VPS4A: variants seen among roughly 807,000 people sequenced by gnomAD.
VPS4A encodes vacuolar protein sorting 4 homolog A.
VPS4A carries 20 observed loss-of-function variants against 52.3 expected under a neutral mutation model. That is an observed-to-expected ratio of 0.38 (90% CI 0.27 to 0.56). The LOEUF is 0.56. Among genes scored for constraint, VPS4A ranks in the 20% least tolerant of loss-of-function variants. The probability of loss-of-function intolerance (pLI) is 0.72; values close to 1 mark genes in which losing one functional copy is unlikely to be tolerated. For missense variants in VPS4A, 419 were observed against 575.9 expected (o/e 0.73, Z 2.79); for synonymous variants, 293 against 227.7 (o/e 1.29, Z -2.58).
intron 3 of VPS4A, 71 bp from the exon 4 acceptor site, chr16:69,318,579 T>C (rs1965467404): frequency 2.0e-6 from 3 of 1,531,524 alleles, no homozygotes; most frequent in Non-Finnish European, 2.7e-6. Flanking sequence ...CAGCGGAGCC[T>C]GGACTTGCTG....
chr16:69,320,734 C>A lies in VPS4A; in HGVS notation c.816C>A (p.Asn272Lys). 1 of 1,609,214 alleles carries A rather than the reference C, an allele frequency of 6.2e-7. No homozygotes were observed. The highest frequency in any genetic ancestry group is 8.5e-7 in the Non-Finnish European group (1 of 1,177,880). Residue 272 changes from asparagine (N) to lysine (K), a missense_variant, in exon 8 of 11, where the codon AAC becomes AAA. Physicochemically the swap from Asn to Lys is moderately conservative, Grantham distance 94. This residue lies in a region of VPS4A where 103 missense variants were observed against 210.3 expected (regional missense o/e 0.49). Coordinates refer to ENST00000254950, the MANE Select transcript of VPS4A (RefSeq NM_013245.3). This position sits in a 1 kb window ranked among gnomAD's most constrained non-coding sequence, Gnocchi z 4.2. ...NDGTLVLGAT[N>K]IPWVLDSAIR... ...GGACTCTGGTTCTTGGAGCCACAAA[C>A]ATCCCATGGGTGTTGGATTCGGCCA...
chr16:69,324,403 T>A lies in VPS4A; in HGVS notation c.*94T>A. ...CAACAGCCAGACAGGGCTCCAGGGC[T>A]TGTCCCAGTCAATACAGAGTTCCCT... On this transcript the variant is annotated 3_prime_UTR_variant, in exon 11 of 11. Coordinates refer to ENST00000254950, the MANE Select transcript of VPS4A (RefSeq NM_013245.3). The A allele has an allele frequency of 1.5e-6, 2 of 1,325,932 alleles. No individual in the cohort carries two copies. Among genetic ancestry groups the A allele is most frequent in the Non-Finnish European group, 1.1e-6 (1 of 942,994 alleles). 82.1% of individuals were successfully genotyped at this position (1,325,932 alleles called of 1,614,324 possible). A position where few individuals can be genotyped will look rare whatever the true frequency, so the allele number is the denominator to read the frequency against.
In VPS4A at chr16:69,326,152, C is replaced by T. The variant is rs1402029105; in HGVS notation, c.*1843C>T. On this transcript the variant is annotated 3_prime_UTR_variant, in exon 11 of 11. Coordinates refer to ENST00000254950, the MANE Select transcript of VPS4A (RefSeq NM_013245.3). ...CTCTCCAAAACCCAGTACTGCTCCT[C>T]TACCTTTCAAACCTGGTTGGGCCAG... 5 of 152,328 alleles carry T rather than the reference C, an allele frequency of 3.3e-5. No individual in the cohort carries two copies. The highest frequency in any genetic ancestry group is 5.9e-5 in the Non-Finnish European group (4 of 68,100). The allele number at this position is 152,328 out of a possible 1,614,324, so 9.4% of individuals were successfully genotyped here.
In VPS4A at chr16:69,324,272, T is replaced by C; in HGVS notation, c.1277T>C (p.Val426Ala). The C allele has an allele frequency of 6.2e-7, 1 of 1,613,898 alleles. No homozygotes were observed. The stretch of plus-strand genomic sequence containing the variant: ...GTGAATGCAGACGACCTCCTGAAAG[T>C]GAAGAAATTCTCAGAGGACTTTGGG... ...PTVNADDLLKVKKFSEDFGQE... is the reference protein window; with the variant it reads ...PTVNADDLLKAKKFSEDFGQE... The change falls in exon 11 of 11, where the codon GTG becomes GCG. Residue 426 changes from valine to alanine, a missense_variant. Coordinates refer to ENST00000254950, the MANE Select transcript of VPS4A (RefSeq NM_013245.3).
In VPS4A at chr16:69,322,546, C is replaced by A; in HGVS notation, c.1072-14C>A. 2 of 1,609,324 alleles carry A rather than the reference C, an allele frequency of 1.2e-6. No individual in the cohort carries two copies. The highest frequency in any genetic ancestry group is 1.7e-6 in the Non-Finnish European group (2 of 1,177,454). On this transcript the variant is annotated splice_polypyrimidine_tract_variant and intron_variant, in intron 9 of 10. Coordinates refer to ENST00000254950, the MANE Select transcript of VPS4A (RefSeq NM_013245.3). The stretch of plus-strand genomic sequence containing the variant: ...TGAGGGGCAGCTGCCCCAGTCAGAT[C>A]CATTTGGTTTCAGGTCTGTGGCCCC...
chr16:69,324,302 A>G lies in VPS4A; in HGVS notation c.1307A>G (p.Glu436Gly), dbSNP rs1423358966. ...VKKFSEDFGQ[E>G]S ...AAATTCTCAGAGGACTTTGGGCAAG[A>G]GAGTTAAAAGCTGCTTCACTTGGGC... is the stretch of plus-strand genomic sequence containing the variant. Residue 436 changes from glutamate to glycine, a missense_variant, in exon 11 of 11, where the codon GAG becomes GGG. Glu to Gly is a moderately conservative substitution (Grantham distance 98). Transcript: ENST00000254950. The G allele has an allele frequency of 1.2e-6, 2 of 1,613,644 alleles. No homozygotes were observed. Among genetic ancestry groups the G allele is most frequent in the East Asian group, 2.2e-5 (1 of 44,880 alleles).
At chr16:69,324,073 C>T in intron 10 of VPS4A, 135 bp from the exon 11 acceptor site, 1 of 763,362 alleles carries the variant, frequency 1.3e-6, no homozygotes. Flanking sequence ...CTGCCATAGG[C>T]AGATTCAAGC....
At chr16:69,322,533 G>T (rs1424948095) in intron 9 of VPS4A, 27 bp from the exon 10 acceptor site, 4 of 1,600,494 alleles carry the variant, frequency 2.5e-6, no homozygotes, top group Non-Finnish European at 3.4e-6. Flanking sequence ...AGGGGCAGCT[G>T]CCCCAGTCAG....
Position 69,316,036 on chromosome 16 carries a change from C to T in VPS4A, c.50C>T (p.Thr17Ile). 6.2e-7 allele frequency: 1 copy of T among 1,613,556 alleles called. No individual in the cohort carries two copies. The part of the protein sequence containing the change: ...QKAIDLVTKA[T>I]EEDKAKNYEE... ...GCCATTGATCTGGTGACGAAAGCCA[C>T]AGAGGAGGACAAAGCCAAGAACTAC... Residue 17 changes from threonine (T) to isoleucine (I), a missense_variant, in exon 2 of 11, where the codon ACA becomes ATA. This residue lies in a region of VPS4A where 131 missense variants were observed against 165.4 expected (regional missense o/e 0.79). Transcript: ENST00000254950.
Position 69,320,051 on chromosome 16 carries a change from T to C in VPS4A, c.621-90T>C, listed in dbSNP as rs1044525362. The stretch of plus-strand genomic sequence containing the variant: ...GGCATGACCGTGGCCTGCGCCTCCC[T>C]GTGGGAAGGGTGAGAAGAGGGAAGT... On this transcript the variant is annotated intron_variant, in intron 6 of 10. Coordinates refer to ENST00000254950, the MANE Select transcript of VPS4A (RefSeq NM_013245.3). The surrounding 1 kb of genome is among the most constrained non-coding windows in gnomAD (Gnocchi z 4.2). 1.3e-6 allele frequency: 2 copies of C among 1,486,362 alleles called. No individual in the cohort carries two copies. The highest frequency in any genetic ancestry group is 1.3e-5 in the South Asian group (1 of 76,972). 92.1% of individuals were successfully genotyped at this position (1,486,362 alleles called of 1,614,324 possible).
intron 9 of VPS4A, 44 bp from the exon 10 acceptor site, chr16:69,322,516 G>C: frequency 1.3e-6 from 2 of 1,580,956 alleles, no homozygotes; most frequent in Non-Finnish European, 1.7e-6. Flanking sequence ...GAGCCCCTCT[G>C]ACACTGAGGG....
Position 69,320,299 on chromosome 16 carries a change from G to A in VPS4A, c.769+10G>A, listed in dbSNP as rs377630172. On this transcript the variant is annotated intron_variant, in intron 7 of 10. Coordinates refer to ENST00000254950, the MANE Select transcript of VPS4A (RefSeq NM_013245.3). The surrounding 1 kb of genome is among the most constrained non-coding windows in gnomAD (Gnocchi z 4.2). ...TTGGTCCAGATGCAGGGTGTGTGCC[G>A]GGCCCAGGGCCCCCTTGGTTCTTGT... is the stretch of plus-strand genomic sequence containing the variant. 121 of 1,609,762 alleles carry A rather than the reference G, an allele frequency of 7.5e-5. No individual in the cohort carries two copies. Among genetic ancestry groups the A allele is most frequent in the Non-Finnish European group, 9.4e-5 (111 of 1,176,424 alleles).
At position 69,320,098 on chromosome 16, in the gene VPS4A, G is replaced by C. The variant is rs768141728; in HGVS notation, c.621-43G>C. ...AAGTGCCGGGAGCCCAGGCGGGCAC[G>C]GACGTGAACGTCTTGTCCTCACCCC... On this transcript the variant is annotated intron_variant, in intron 6 of 10. Coordinates refer to ENST00000254950, the MANE Select transcript of VPS4A (RefSeq NM_013245.3). The surrounding 1 kb of genome is among the most constrained non-coding windows in gnomAD (Gnocchi z 4.2). 4.4e-6 allele frequency: 7 copies of C among 1,583,980 alleles called. No homozygotes were observed. Among genetic ancestry groups the C allele is most frequent in the Non-Finnish European group, 6.0e-6 (7 of 1,158,644 alleles).
intron 10 of VPS4A, chr16:69,323,667 T>C (rs944315194): frequency 2.2e-6 from 1 of 455,752 alleles, no homozygotes; most frequent in East Asian, 7.0e-5. Flanking sequence ...AGAAGGCTCC[T>C]GGCCGGGCGC....
chr16:69,320,801 A>G lies in VPS4A; in HGVS notation c.851+32A>G. On this transcript the variant is annotated intron_variant, in intron 8 of 10. Coordinates refer to ENST00000254950, the MANE Select transcript of VPS4A (RefSeq NM_013245.3). The surrounding 1 kb of genome is among the most constrained non-coding windows in gnomAD (Gnocchi z 4.2). ...CTTCCCCAGGAGAAGCCAGGGCTGG[A>G]GGCTTCCTCCCACCATGGTCACGGT... is the stretch of plus-strand genomic sequence containing the variant. 1 of 1,575,226 alleles carries G rather than the reference A, an allele frequency of 6.3e-7. No individual in the cohort carries two copies. Among genetic ancestry groups the G allele is most frequent in the Non-Finnish European group, 8.6e-7 (1 of 1,158,090 alleles).
At chr16:69,319,160 G>A (rs182153552) in intron 5 of VPS4A, among the ~76,000 whole-genome samples, 10 of 151,142 alleles carry the variant, frequency 6.6e-5, no homozygotes, top group African/African-American at 1.7e-4. Flanking sequence ...AGTGCCAGCC[G>A]GTGTCACTGT....
rs1168792437 is a variant in VPS4A at position 69,318,884 on chromosome 16, C to T, written c.405C>T (p.Ala135=). The change falls in exon 5 of 11, where the codon GCC becomes GCT. Residue 135 remains alanine, a synonymous_variant. Transcript: ENST00000254950. The part of the protein sequence containing the change: ...RWNDVAGLEG[A]KEALKEAVIL... ...ACGACGTGGCCGGGCTGGAGGGGGC[C>T]AAGGAGGCCCTCAAAGAAGCTGTCA... The T allele has an allele frequency of 6.8e-6, 11 of 1,613,598 alleles. No homozygotes were observed. Among genetic ancestry groups the T allele is most frequent in the Non-Finnish European group, 9.3e-6 (11 of 1,179,788 alleles).
intron 1 of VPS4A, among the ~76,000 whole-genome samples, chr16:69,313,675 G>A (rs764312222): frequency 5.9e-5 from 9 of 152,206 alleles, no homozygotes; most frequent in South Asian, 2.1e-4. Context: ...ATCCCTGTTC[G>A]TTTATTGATA....
Position 69,325,590 on chromosome 16 carries a change from G to A in VPS4A, c.*1281G>A, listed in dbSNP as rs756726346. The stretch of plus-strand genomic sequence containing the variant: ...CTCACTAAAAATAAAAAAATTAGCC[G>A]GGCGTGGTGGTGGGCGCCTGCAGTC... On this transcript the variant is annotated 3_prime_UTR_variant, in exon 11 of 11. Transcript: ENST00000254950. The A allele has an allele frequency of 4.6e-5, 7 of 152,104 alleles. No individual in the cohort carries two copies. The highest frequency in any genetic ancestry group is 7.2e-5 in the African/African-American group (3 of 41,402). The allele number at this position is 152,104 out of a possible 1,614,324, so 9.4% of individuals were successfully genotyped here.
Sources: allele counts gnomAD v4.1 joint callset (sites outside exome capture counted in the v4.1 genomes callset), GRCh38; gene constraint gnomAD v4.1.1; regional missense constraint gnomAD v4.1.1; non-coding constraint Gnocchi (gnomAD v3.1); transcripts MANE v1.5; gene names NCBI Gene and HGNC (gene_info 2026-07-23, HGNC 2026-07-21).